RAPGEF2: variants seen among roughly 807,000 people sequenced by gnomAD.
RAPGEF2 encodes Rap guanine nucleotide exchange factor 2.
In RAPGEF2, 54 loss-of-function variants were observed where a neutral mutation model predicts 186.7. The observed-to-expected ratio is 0.29, with a 90% CI of 0.23 to 0.36. The LOEUF is 0.36. RAPGEF2 is among the 10% of genes least tolerant of loss of function. RAPGEF2 has a pLI of 1.00. For synonymous variants in RAPGEF2, 712 were observed against 705.9 expected (o/e 1.01, Z -0.14); for missense variants, 1,532 against 2,045.0 (o/e 0.75, Z 4.84).
In RAPGEF2 at chr4:159,332,701, A is replaced by C. The variant is rs1766853404; in HGVS notation, c.2135+4A>C. 6.2e-7 allele frequency: 1 copy of C among 1,613,656 alleles called. No individual in the cohort carries two copies. The highest frequency in any genetic ancestry group is 1.3e-5 in the African/African-American group (1 of 74,912). On this transcript the variant is annotated splice_donor_region_variant and intron_variant, in intron 17 of 29. Transcript: ENST00000691494. ...TCTTGCCACAGAAACCATACAAGTA[A>C]GCATCTGCATATGTCTTCTGTGCAT...
At chr4:159,238,492 C>G (rs1265278937) in intron 4 of RAPGEF2, among the ~76,000 whole-genome samples, 1 of 152,082 alleles carries the variant, frequency 6.6e-6, no homozygotes, top group Non-Finnish European at 1.5e-5. Flanking sequence ...CTGGAATATT[C>G]TCAAAGTTCA....
At chr4:159,143,198 G>A (rs550756967) in intron 1 of RAPGEF2, among the ~76,000 whole-genome samples, 1 of 152,022 alleles carries the variant, frequency 6.6e-6, no homozygotes, top group South Asian at 2.1e-4. Flanking sequence ...CCTCTGCATA[G>A]CTACTGCACT....
Position 159,338,381 on chromosome 4 carries a change from G to T in RAPGEF2, c.2206G>T (p.Ala736Ser), listed in dbSNP as rs1767773123. ...GLRQTKHIPT[A>S]LPVSGTLSSS... is the part of the protein sequence containing the mutation. ...AAGGCAGACAAAGCACATCCCAACT[G>T]CATTGCCTGTCAGTGGAACCTTATC... The change falls in exon 18 of 30, where the codon GCA becomes TCA. Residue 736 changes from alanine (A) to serine (S), a missense_variant. Coordinates refer to ENST00000691494, the MANE Select transcript of RAPGEF2 (RefSeq NM_001394067.2). 1 of 1,614,082 alleles carries T rather than the reference G, an allele frequency of 6.2e-7. No homozygotes were observed. Among genetic ancestry groups the T allele is most frequent in the East Asian group, 2.2e-5 (1 of 44,878 alleles).
At chr4:159,241,081 T>C in intron 5 of RAPGEF2, 120 bp from the exon 6 acceptor site, 1 of 794,618 alleles carries the variant, frequency 1.3e-6, no homozygotes, top group African/African-American at 1.8e-5. Context: ...CTAGATAGTT[T>C]TCTACAGATG....
intron 22 of RAPGEF2, 83 bp downstream of exon 22, chr4:159,343,487 T>C: frequency 6.5e-7 from 1 of 1,548,962 alleles, no homozygotes; most frequent in Non-Finnish European, 8.8e-7. Context: ...TTTTTAAAGT[T>C]TGAGTATTTA....
intron 3 of RAPGEF2, among the ~76,000 whole-genome samples, chr4:159,198,275 T>C (rs1458559253): frequency 6.7e-4 from 2 of 2,970 alleles, no homozygotes; most frequent in Non-Finnish European, 1.3e-3. Context: ...TCTTTCCTTC[T>C]TTCTTTCTTT....
At chr4:159,320,329 A>G (rs1490582071) in intron 9 of RAPGEF2, among the ~76,000 whole-genome samples, 1 of 152,168 alleles carries the variant, frequency 6.6e-6, no homozygotes, top group Non-Finnish European at 1.5e-5. Context: ...GGTGTTCAGA[A>G]TTGCTTTACT....
intron 1 of RAPGEF2, among the ~76,000 whole-genome samples, chr4:159,162,069 T>G (rs1744770909): frequency 6.6e-6 from 1 of 152,166 alleles, no homozygotes; most frequent in Non-Finnish European, 1.5e-5. Context: ...GTCTCTAACA[T>G]ATTTTTAAGT....
chr4:159,205,096 C>CT (rs1226471810), intron 3 of RAPGEF2, among the ~76,000 whole-genome samples: 4 of 152,158 alleles, frequency 2.6e-5, no homozygotes, highest in African/African-American at 7.2e-5. Context: ...TAGAGTTGTA[C>CT]TTTTTTTCCT....
chr4:159,343,271 T>G lies in RAPGEF2; in HGVS notation c.3131-10T>G, dbSNP rs748250450. 1.9e-6 allele frequency: 3 copies of G among 1,613,998 alleles called. No homozygotes were observed. The highest frequency in any genetic ancestry group is 2.5e-6 in the Non-Finnish European group (3 of 1,179,962). On this transcript the variant is annotated splice_polypyrimidine_tract_variant and intron_variant, in intron 21 of 29. Coordinates refer to ENST00000691494, the MANE Select transcript of RAPGEF2 (RefSeq NM_001394067.2). ...CATGTGATTTCCTTTTCCTCCTCTG[T>G]CAATTTCAGGAAATGACTCAAAAGT...
chr4:159,206,552 C>A (rs1346301032), intron 3 of RAPGEF2, among the ~76,000 whole-genome samples: 1 of 152,120 alleles, frequency 6.6e-6, no homozygotes, highest in African/African-American at 2.4e-5. Flanking sequence ...CTTAAAAAAA[C>A]CATCACTTTC....
At chr4:159,184,529 C>G (rs1047010265) in intron 1 of RAPGEF2, among the ~76,000 whole-genome samples, 1 of 152,086 alleles carries the variant, frequency 6.6e-6, no homozygotes, top group African/African-American at 2.4e-5. Flanking sequence ...TGTTGGCTGC[C>G]TAAATGTCTT....
At chr4:159,199,958 C>T (rs1749231451) in intron 3 of RAPGEF2, among the ~76,000 whole-genome samples, 3 of 152,058 alleles carry the variant, frequency 2.0e-5, no homozygotes, top group Non-Finnish European at 4.4e-5. Flanking sequence ...GTCAAAATTT[C>T]AGATTCTTTT....
At chr4:159,129,243 C>T (rs939064387) in intron 1 of RAPGEF2, among the ~76,000 whole-genome samples, 2 of 152,018 alleles carry the variant, frequency 1.3e-5, no homozygotes, top group Non-Finnish European at 2.9e-5. Context: ...TTGAAAGGTG[C>T]AATATTAATG....
At chr4:159,266,572 G>GT (rs201866299) in intron 7 of RAPGEF2, among the ~76,000 whole-genome samples, 18 of 151,236 alleles carry the variant, frequency 1.2e-4, no homozygotes, top group Non-Finnish European at 1.6e-4. Flanking sequence ...GTTTGGTTTG[G>GT]TTTTTTAAAA....
chr4:159,124,623 T>G (rs1356173986), intron 1 of RAPGEF2, among the ~76,000 whole-genome samples: 2 of 152,184 alleles, frequency 1.3e-5, no homozygotes, highest in Non-Finnish European at 2.9e-5. Context: ...CAAAGAAGAA[T>G]GAAGAGGAAG....
intron 4 of RAPGEF2, among the ~76,000 whole-genome samples, chr4:159,224,010 T>C (rs1284057188): frequency 1.3e-5 from 2 of 152,098 alleles, no homozygotes; most frequent in African/African-American, 4.8e-5. Context: ...GTGATTCTTG[T>C]GCCTCGGCCT....
At chr4:159,307,450 G>A (rs1172140694) in intron 8 of RAPGEF2, among the ~76,000 whole-genome samples, 2 of 152,058 alleles carry the variant, frequency 1.3e-5, no homozygotes, top group African/African-American at 4.8e-5. Flanking sequence ...ATTTATCGAA[G>A]AGTTCCCTTG....
intron 3 of RAPGEF2, 105 bp from the exon 4 acceptor site, chr4:159,210,395 A>G: frequency 1.5e-6 from 1 of 672,114 alleles, no homozygotes; most frequent in South Asian, 2.1e-5. Context: ...GCTATTCTTT[A>G]TTATTTTAAA....
Sources: allele counts gnomAD v4.1 joint callset (sites outside exome capture counted in the v4.1 genomes callset), GRCh38; gene constraint gnomAD v4.1.1; transcripts MANE v1.5; gene names NCBI Gene and HGNC (gene_info 2026-07-23, HGNC 2026-07-21).